The following SERINC2 variants were observed in gnomAD, a reference collection of about 807,000 sequenced individuals.
SERINC2 encodes serine incorporator 2.
In SERINC2, 56 loss-of-function variants were observed where a neutral mutation model predicts 54.2. That is an observed-to-expected ratio of 1.03 (90% confidence interval 0.83 to 1.29). The LOEUF (loss-of-function observed/expected upper bound fraction) is 1.29. SERINC2 is among the 50% of genes most tolerant of loss of function. SERINC2 has a pLI of 0.00. For synonymous variants in SERINC2, 272 were observed against 253.1 expected (o/e 1.07, Z -0.71); for missense variants, 614 against 607.4 (o/e 1.01, Z -0.12).
At chr1:31,410,172 C>T (rs1640624108), upstream of SERINC2, 5 of 1,432,898 alleles carry the variant, frequency 3.5e-6, no homozygotes, top group South Asian at 1.5e-5. Flanking sequence ...GGGTGACTTG[C>T]CAGTATCACA....
At chr1:31,427,013 C>T (rs1553133770) in intron 6 of SERINC2, among the ~76,000 whole-genome samples, 190 bp downstream of exon 6, 2 of 152,128 alleles carry the variant, frequency 1.3e-5, no homozygotes, top group Non-Finnish European at 2.9e-5. Context: ...TTAGGAGGTG[C>T]CCTAACCTCT....
At chr1:31,422,252 T>C (rs1315764900) in intron 1 of SERINC2, among the ~76,000 whole-genome samples, 2 of 151,416 alleles carry the variant, frequency 1.3e-5, no homozygotes, top group East Asian at 1.9e-4. Context: ...TGAGCTGAGA[T>C]TGCGCCACTG....
At chr1:31,431,803 G>GTT (rs1641223579) in intron 8 of SERINC2, among the ~76,000 whole-genome samples, 4 of 142,140 alleles carry the variant, frequency 2.8e-5, no homozygotes, top group African/African-American at 1.1e-4. Flanking sequence ...GGATAGGGTG[G>GTT]ACAGGGTGGA....
At chr1:31,431,119 C>A (rs1425953144) in intron 8 of SERINC2, among the ~76,000 whole-genome samples, 4 of 151,190 alleles carry the variant, frequency 2.6e-5, no homozygotes, top group Non-Finnish European at 1.5e-5. Context: ...CTTCCCCTCC[C>A]CCCTCCTCTC....
intron 8 of SERINC2, among the ~76,000 whole-genome samples, chr1:31,431,814 CAGGGTGGATAGGGTGGATAGGGTGGAT>C (rs1557499900): frequency 8.8e-5 from 3 of 34,096 alleles, no homozygotes; most frequent in Non-Finnish European, 1.7e-4. Context: ...ACAGGGTGGA[CAGGGTGGATAGGGTGGATAGGGTGGAT>C]AGGGTGGATA....
chr1:31,432,255 G>A (rs563557036), intron 8 of SERINC2, among the ~76,000 whole-genome samples: 56 of 149,958 alleles, frequency 3.7e-4, no homozygotes, highest in African/African-American at 1.2e-3. Context: ...ACAGCAAGGG[G>A]TGATTTCTCA....
chr1:31,431,971 G>A lies in SERINC2; in HGVS notation c.1014-996G>A, dbSNP rs1258892925. ...GGTTAGGGTGGTTAGGGTGGATAGG[G>A]TGGATAGGGTGGATAGGGTGGATAG... is the stretch of plus-strand genomic sequence containing the variant. On this transcript the variant is annotated intron_variant, in intron 8 of 9. Coordinates refer to ENST00000373709, the MANE Select transcript of SERINC2 (RefSeq NM_178865.5). Among the ~76,000 whole-genome samples, 45 of 132,220 alleles carry A rather than the reference G, an allele frequency of 3.4e-4. 1 individual carries two copies. Among genetic ancestry groups the A allele is most frequent in the East Asian group, 7.0e-4 (3 of 4,306 alleles). 86.7% of individuals were successfully genotyped at this position (132,220 alleles called of 152,430 possible).
intron 8 of SERINC2, among the ~76,000 whole-genome samples, chr1:31,431,816 GGGTGGATAGGGTGGAT>G: frequency 7.7e-6 from 1 of 130,276 alleles, no homozygotes; most frequent in Non-Finnish European, 1.7e-5. Context: ...AGGGTGGACA[GGGTGGATAGGGTGGAT>G]AGGGTGGATA....
At chr1:31,425,476 C>T (rs1450617197) in intron 4 of SERINC2, 67 bp downstream of exon 4, 9 of 1,174,998 alleles carry the variant, frequency 7.7e-6, no homozygotes, top group East Asian at 7.0e-5. Context: ...GTTGGAGGAA[C>T]GTGGTGGGGC....
At position 31,434,331 on chromosome 1, in the gene SERINC2, G is replaced by C; in HGVS notation, c.*132G>C. On this transcript the variant is annotated 3_prime_UTR_variant, in exon 10 of 10. Transcript: ENST00000373709. ...CACCCCTGCCCCAGCTCCAGGACCT[G>C]CCCCTGAGCCGGGCCTTCTAGTCGT... The C allele has an allele frequency of 1.1e-6, 1 of 936,890 alleles. No individual in the cohort carries two copies. The highest frequency in any genetic ancestry group is 1.6e-6 in the Non-Finnish European group (1 of 623,002). The allele number at this position is 936,890 out of a possible 1,614,324, so 58.0% of individuals were successfully genotyped here. A position where few individuals can be genotyped will look rare whatever the true frequency, so the allele number is the denominator to read the frequency against.
chr1:31,414,550 A>G, intron 1 of SERINC2: 2 of 988,900 alleles, frequency 2.0e-6, no homozygotes, highest in Non-Finnish European at 2.4e-6. Context: ...ATCAGCATAG[A>G]CAGCACAGAG....
At position 31,434,282 on chromosome 1, in the gene SERINC2, C is replaced by T. The variant is rs1160999199; in HGVS notation, c.*83C>T. On this transcript the variant is annotated 3_prime_UTR_variant, in exon 10 of 10. Transcript: ENST00000373709. ...TGACAGCCAACCTGCCCCCTCCCCA[C>T]ACCAATCAGCCAGGCTGAGCCCCCA... 6.3e-6 allele frequency: 9 copies of T among 1,429,674 alleles called. No homozygotes were observed. The East Asian group carries it at 1.8e-4, about 29-fold the overall frequency. The allele number at this position is 1,429,674 out of a possible 1,614,324, so 88.6% of individuals were successfully genotyped here.
At chr1:31,432,591 C>T (rs528271537) in intron 8 of SERINC2, among the ~76,000 whole-genome samples, 26 of 152,192 alleles carry the variant, frequency 1.7e-4, no homozygotes, top group African/African-American at 5.5e-4. Flanking sequence ...GTACTCGATA[C>T]GTGTTTATGG....
intron 1 of SERINC2, among the ~76,000 whole-genome samples, chr1:31,417,211 T>A (rs562866092): frequency 5.3e-5 from 8 of 152,052 alleles, no homozygotes; most frequent in Non-Finnish European, 8.8e-5. Flanking sequence ...TCTCCTCCCT[T>A]CCCCCAAAGA....
chr1:31,433,198 T>C lies in SERINC2; in HGVS notation c.1232+13T>C, dbSNP rs782236836. On this transcript the variant is annotated intron_variant, in intron 9 of 9. Transcript: ENST00000373709. ...CCAACTGGTACAAGTGCGTAGCTGG[T>C]GGGGCATGGACAGAGCCCGGAGGTG... 73 of 1,610,732 alleles carry C rather than the reference T, an allele frequency of 4.5e-5. No homozygotes were observed. The highest frequency in any genetic ancestry group is 5.9e-5 in the Non-Finnish European group (69 of 1,177,760).
chr1:31,434,020 A>T (rs1553135287), intron 9 of SERINC2, 44 bp from the exon 10 acceptor site: 2 of 1,603,206 alleles, frequency 1.2e-6, no homozygotes, highest in African/African-American at 2.7e-5. Context: ...GATGGAAGTC[A>T]CCAGACTGGG....
chr1:31,414,330 C>T lies in SERINC2; in HGVS notation c.39+1026C>T. On this transcript the variant is annotated intron_variant, in intron 1 of 9. Coordinates refer to ENST00000373709, the MANE Select transcript of SERINC2 (RefSeq NM_178865.5). ...AGGTTCATTCAGGCAGCCCCCTCCC[C>T]CTCTGGCCCCACACAAAGAGGCCCT... is the stretch of plus-strand genomic sequence containing the variant. 3.0e-6 allele frequency: 4 copies of T among 1,312,616 alleles called. No homozygotes were observed. In the South Asian group the frequency reaches 9.3e-5, roughly 30 times the overall value. The allele number at this position is 1,312,616 out of a possible 1,614,324, so 81.3% of individuals were successfully genotyped here.
At chr1:31,430,383 A>C (rs1379247179) in intron 8 of SERINC2, among the ~76,000 whole-genome samples, 1 of 151,950 alleles carries the variant, frequency 6.6e-6, no homozygotes, top group Admixed American at 6.6e-5. Context: ...AAAAACACTT[A>C]GAAAGGAACT....
At chr1:31,411,365 G>A (rs1302769991), upstream of SERINC2, among the ~76,000 whole-genome samples, 1 of 152,110 alleles carries the variant, frequency 6.6e-6, no homozygotes, top group Admixed American at 6.5e-5. Flanking sequence ...CACAGTCAAC[G>A]TTTATTCGAC....
Sources: gnomAD v4.1 joint callset for allele counts (sites outside exome capture counted in the v4.1 genomes callset) on GRCh38, gnomAD v4.1.1 for gene constraint, MANE v1.5 for transcripts, NCBI Gene and HGNC (gene_info 2026-07-23, HGNC 2026-07-21) for gene names.